The following TMEM25 variants were observed in gnomAD, a reference collection of about 807,000 sequenced individuals.
The protein encoded by TMEM25 is 0610039J01Rik.
In TMEM25, 36 loss-of-function variants were observed where a neutral mutation model predicts 37.0. The observed-to-expected ratio is 0.97, with a 90% CI of 0.75 to 1.28. The LOEUF (loss-of-function observed/expected upper bound fraction) is 1.28, where lower values mean the gene tolerates loss of function less well. TMEM25 is among the 50% of genes most tolerant of loss of function. The pLI is 0.00. For synonymous variants in TMEM25, 197 were observed against 203.7 expected (o/e 0.97, Z 0.28); for missense variants, 444 against 477.9 (o/e 0.93, Z 0.66).
chr11:118,536,355 A>G (rs59533931), downstream of TMEM25, among the ~76,000 whole-genome samples: 24,506 of 151,118 alleles, frequency 0.16, 2,440 homozygotes, highest in East Asian at 0.49. Flanking sequence ...CACCATGCCC[A>G]GCTAATTTTG....
chr11:118,539,077 T>C (rs1395089237), downstream of TMEM25, among the ~76,000 whole-genome samples: 1 of 152,116 alleles, frequency 6.6e-6, no homozygotes, highest in Non-Finnish European at 1.5e-5. Context: ...TGTTCATTAT[T>C]TATTTTGCTG....
intron 8 of TMEM25, among the ~76,000 whole-genome samples, chr11:118,541,754 C>T (rs1306924393): frequency 1.3e-5 from 2 of 151,806 alleles, no homozygotes; most frequent in African/African-American, 2.4e-5. Flanking sequence ...GTTTAGCTCT[C>T]ACTTATTTTT....
chr11:118,532,381 C>A lies in TMEM25; in HGVS notation c.302C>A (p.Ala101Asp), dbSNP rs782164816. ...TSTFTVTAHR[A>D]QHELNCSLQD... ...ACCTTCACTGTCACTGCCCATCGGG[C>A]CCAGCATGAGCTCAACTGCTCTCTG... Residue 101 changes from alanine (A) to aspartate (D), a missense_variant, in exon 3 of 9, where the codon GCC (alanine) becomes GAC (aspartate). By Grantham distance (126) the Ala-to-Asp change is moderately radical. Coordinates refer to ENST00000313236, the MANE Select transcript of TMEM25 (RefSeq NM_032780.4). The A allele has an allele frequency of 1.5e-5, 24 of 1,614,062 alleles. No homozygotes were observed. Among genetic ancestry groups the A allele is most frequent in the African/African-American group, 4.0e-5 (3 of 74,944 alleles).
chr11:118,532,582 A>G, intron 3 of TMEM25, 121 bp downstream of exon 3: 1 of 1,149,904 alleles, frequency 8.7e-7, no homozygotes, highest in East Asian at 2.6e-5. Context: ...ATATGAACTC[A>G]TTTGATCCTC....
downstream of TMEM25, among the ~76,000 whole-genome samples, chr11:118,539,674 T>TGG (rs1272881562): frequency 1.3e-5 from 2 of 152,116 alleles, no homozygotes; most frequent in African/African-American, 4.8e-5. Context: ...AGGGTGTACT[T>TGG]TCCCAAGTGT....
chr11:118,531,306 C>T (rs1951241720), intron 1 of TMEM25, 72 bp downstream of exon 1: 1 of 334,540 alleles, frequency 3.0e-6, no homozygotes, highest in African/African-American at 2.2e-5. Flanking sequence ...TCTCCTCTTC[C>T]GCCGACATCC....
At chr11:118,536,541 T>G (rs1309903877), downstream of TMEM25, among the ~76,000 whole-genome samples, 1 of 152,154 alleles carries the variant, frequency 6.6e-6, no homozygotes, top group Non-Finnish European at 1.5e-5. Context: ...GTGGAAAAAA[T>G]ATAGCAAGCA....
In TMEM25 at chr11:118,535,658, T is replaced by C. The variant is rs1555063035; in HGVS notation, c.*1078T>C. 2.6e-6 allele frequency: 4 copies of C among 1,509,438 alleles called. No homozygotes were observed. The highest frequency in any genetic ancestry group is 3.5e-6 in the Non-Finnish European group (4 of 1,128,134). The allele number at this position is 1,509,438 out of a possible 1,614,324, so 93.5% of individuals were successfully genotyped here. On this transcript the variant is annotated 3_prime_UTR_variant, in exon 9 of 9. Transcript: ENST00000313236. ...AACATGGAGAAAGAAGGAGACCACATACCCCAAAGTGACCTAAGAACACTT... is the reference window on the plus strand; with the variant it reads ...AACATGGAGAAAGAAGGAGACCACACACCCCAAAGTGACCTAAGAACACTT...
intron 1 of TMEM25, 106 bp from the exon 2 acceptor site, chr11:118,531,669 T>A (rs1251735936): frequency 1.1e-6 from 1 of 916,486 alleles, no homozygotes; most frequent in Non-Finnish European, 1.6e-6. Context: ...GGTCTACATT[T>A]GCGTTTCCGT....
rs1322391658 is a variant in TMEM25 at position 118,544,722 on chromosome 11, C to G, written c.1028-1397C>G. 4 of 547,884 alleles carry G rather than the reference C, an allele frequency of 7.3e-6. No homozygotes were observed. In the African/African-American group the frequency reaches 7.7e-5, roughly 11 times the overall value. The allele number at this position is 547,884 out of a possible 1,614,324, so 33.9% of individuals were successfully genotyped here. A position where few individuals can be genotyped will look rare whatever the true frequency, so the allele number is the denominator to read the frequency against. Reference sequence around the variant, plus strand: ...TGTAGATGCATTAACTCCCCGGGGACAGCAATCTGAGGCAGGCAGGTTCAT... The same window carrying G: ...TGTAGATGCATTAACTCCCCGGGGAGAGCAATCTGAGGCAGGCAGGTTCAT... On this transcript the variant is annotated intron_variant, in intron 8 of 8. Coordinates refer to the TMEM25 transcript ENST00000354284.
chr11:118,544,872 C>T (rs782055525), intron 8 of TMEM25: 1 of 1,379,990 alleles, frequency 7.2e-7, no homozygotes, highest in Non-Finnish European at 1.0e-6. Flanking sequence ...TCAGCTGGGG[C>T]AGAGGGGCCA....
At position 118,533,493 on chromosome 11, in the gene TMEM25, CGTG is replaced by C. The variant is rs782462999; in HGVS notation, c.749_751del (p.Val250del). The C allele has an allele frequency of 1.2e-6, 2 of 1,614,058 alleles. No homozygotes were observed. The highest frequency in any genetic ancestry group is 1.7e-5 in the Admixed American group (1 of 60,010). On this transcript the variant is annotated inframe_deletion, in exon 5 of 9. Coordinates refer to ENST00000313236, the MANE Select transcript of TMEM25 (RefSeq NM_032780.4). Reference sequence around the variant, plus strand: ...CTGCTGGGCTTGCACTGGGCACCCTCGTGGGGTTCAGCACCTTGGTGGCCTGCC... The same window carrying C: ...CTGCTGGGCTTGCACTGGGCACCCTCGGGTTCAGCACCTTGGTGGCCTGCC...
chr11:118,541,750 C>T (rs1555065461), intron 8 of TMEM25, among the ~76,000 whole-genome samples: 2 of 151,748 alleles, frequency 1.3e-5, no homozygotes, highest in African/African-American at 4.8e-5. Flanking sequence ...CCATGTTTAG[C>T]TCTCACTTAT....
Position 118,533,039 on chromosome 11 carries a change from G to GT in TMEM25, c.505_506insT (p.Asp169ValfsTer10). ...GGCCAATGTCACCTGGATCGACCAGGATGGGCCAGTGACTGTCAACACCTC... is the reference window on the plus strand; with the variant it reads ...GGCCAATGTCACCTGGATCGACCAGGTATGGGCCAGTGACTGTCAACACCTC... On this transcript the variant is annotated frameshift_variant, in exon 4 of 9. Coordinates refer to ENST00000313236, the MANE Select transcript of TMEM25 (RefSeq NM_032780.4). LOFTEE classifies it high-confidence loss of function. 1 of 1,614,236 alleles carries GT rather than the reference G, an allele frequency of 6.2e-7. No individual in the cohort carries two copies. The highest frequency in any genetic ancestry group is 8.5e-7 in the Non-Finnish European group (1 of 1,180,050).
intron 5 of TMEM25, 38 bp downstream of exon 5, chr11:118,533,589 A>T (rs782516166): frequency 3.9e-5 from 63 of 1,612,906 alleles, no homozygotes; most frequent in South Asian, 3.5e-4. Flanking sequence ...GGATGAGGTC[A>T]GGCTGAGCAG....
intron 3 of TMEM25, 165 bp from the exon 4 acceptor site, chr11:118,532,752 T>C: frequency 9.8e-7 from 1 of 1,019,586 alleles, no homozygotes; most frequent in Non-Finnish European, 1.4e-6. Flanking sequence ...TTTACACTCA[T>C]AATCACTCCG....
chr11:118,534,751 G>C lies in TMEM25; in HGVS notation c.*171G>C, dbSNP rs1951460700. On this transcript the variant is annotated 3_prime_UTR_variant, in exon 9 of 9. Coordinates refer to ENST00000313236, the MANE Select transcript of TMEM25 (RefSeq NM_032780.4). The surrounding 1 kb of genome is among the most constrained non-coding windows in gnomAD (Gnocchi z 4.6). ...TCATGCACGTGATGCATTTCACTGG[G>C]CTGTAACCCGCAGGGGCACAGGTAT... 3 of 1,434,584 alleles carry C rather than the reference G, an allele frequency of 2.1e-6. No homozygotes were observed. Among genetic ancestry groups the C allele is most frequent in the Non-Finnish European group, 2.7e-6 (3 of 1,094,764 alleles). 88.9% of individuals were successfully genotyped at this position (1,434,584 alleles called of 1,614,324 possible).
intron 3 of TMEM25, 74 bp from the exon 4 acceptor site, chr11:118,532,843 T>C: frequency 6.5e-7 from 1 of 1,536,348 alleles, no homozygotes; most frequent in African/African-American, 1.4e-5. Flanking sequence ...CTGGCTCCCA[T>C]CTGGGTTTGG....
chr11:118,532,719 C>A, intron 3 of TMEM25, 198 bp from the exon 4 acceptor site: 1 of 827,152 alleles, frequency 1.2e-6, no homozygotes, highest in Non-Finnish European at 1.8e-6. Flanking sequence ...CCAGGATTCA[C>A]ATCTGGGCAT....
Sources: gnomAD v4.1 joint callset for allele counts (sites outside exome capture counted in the v4.1 genomes callset) on GRCh38, gnomAD v4.1.1 for gene constraint, Gnocchi (gnomAD v3.1) non-coding constraint, MANE v1.5 for transcripts, NCBI Gene and HGNC (gene_info 2026-07-23, HGNC 2026-07-21) for gene names.